CDH4: variants seen among roughly 807,000 people sequenced by gnomAD.
The protein encoded by CDH4 is cadherin 4, also known as cadherin-4.
Under a neutral mutation model 86.0 loss-of-function variants are expected in CDH4, and 33 were observed. The observed-to-expected ratio is 0.38, with a 90% confidence interval of 0.29 to 0.51. CDH4 has a LOEUF of 0.51. Among genes scored for constraint, CDH4 ranks in the 20% least tolerant of loss-of-function variants. CDH4 has a pLI of 0.86. For synonymous variants in CDH4, 555 were observed against 549.4 expected (o/e 1.01, Z -0.14); for missense variants, 1,114 against 1,307.4 (o/e 0.85, Z 2.28).
intron 2 of CDH4, among the ~76,000 whole-genome samples, chr20:61,731,872 C>T (rs2088194015): frequency 6.6e-6 from 1 of 152,184 alleles, no homozygotes; most frequent in Non-Finnish European, 1.5e-5. Flanking sequence ...GGGGATGCCT[C>T]TACTGGAGGG....
At chr20:61,926,517 G>A (rs1472570383) in intron 11 of CDH4, among the ~76,000 whole-genome samples, 3 of 152,212 alleles carry the variant, frequency 2.0e-5, no homozygotes, top group African/African-American at 4.8e-5. Context: ...CTGGTCAGGG[G>A]AAGCGTCTCC....
At chr20:61,257,385 A>G (rs1015006013) in intron 2 of CDH4, among the ~76,000 whole-genome samples, 5 of 152,276 alleles carry the variant, frequency 3.3e-5, no homozygotes, top group African/African-American at 1.2e-4. Context: ...TAAAAATTTC[A>G]TGCTAATTAG....
intron 2 of CDH4, among the ~76,000 whole-genome samples, chr20:61,568,434 C>A (rs575267075): frequency 6.6e-6 from 1 of 152,334 alleles, no homozygotes; most frequent in South Asian, 2.1e-4. Context: ...TGTAAGTTTC[C>A]TGAGGCCTCC....
chr20:61,606,902 C>A (rs531296246), intron 2 of CDH4, among the ~76,000 whole-genome samples: 1 of 152,356 alleles, frequency 6.6e-6, no homozygotes, highest in South Asian at 2.1e-4. Flanking sequence ...GCCGGGATGT[C>A]CTGGTGAGCC....
chr20:61,555,450 C>G (rs1270774254), intron 2 of CDH4, among the ~76,000 whole-genome samples: 1 of 152,138 alleles, frequency 6.6e-6, no homozygotes, highest in African/African-American at 2.4e-5. Context: ...CTACCTGGAG[C>G]AGGACCCTCT....
chr20:61,894,951 G>C lies in CDH4; in HGVS notation c.1092G>C (p.Met364Ile). Residue 364 changes from methionine to isoleucine, a missense_variant, in exon 8 of 16, where the codon ATG (methionine) becomes ATC (isoleucine). Around this residue, in one of 3 missense-constraint regions of CDH4, gnomAD observed 705 missense variants for 914.1 expected, o/e 0.77. Coordinates refer to ENST00000614565, the MANE Select transcript of CDH4 (RefSeq NM_001794.5). ...CAGTCATCGTTCAGGCCACAGATAT[G>C]GAAGGAAATCTCAACTATGGCCTCT... ...QYTVIVQATDMEGNLNYGLSN... is the reference protein window; with the variant it reads ...QYTVIVQATDIEGNLNYGLSN... 6.2e-7 allele frequency: 1 copy of C among 1,613,950 alleles called. No homozygotes were observed. The highest frequency in any genetic ancestry group is 1.1e-5 in the South Asian group (1 of 91,088).
chr20:61,859,326 A>G (rs1001735576), intron 6 of CDH4, among the ~76,000 whole-genome samples: 1 of 152,142 alleles, frequency 6.6e-6, no homozygotes, highest in African/African-American at 2.4e-5. Context: ...TGGTTTGCAA[A>G]TATTTCTCCC....
At chr20:61,628,111 G>A (rs192636644) in intron 2 of CDH4, among the ~76,000 whole-genome samples, 130 of 152,234 alleles carry the variant, frequency 8.5e-4, no homozygotes, top group African/African-American at 2.8e-3. Context: ...TTCTGGCATC[G>A]CCGCAGACAT....
chr20:61,795,134 A>AATGGTAGTG (rs1555839681), intron 4 of CDH4, among the ~76,000 whole-genome samples: 1 of 10,030 alleles, frequency 1.0e-4, no homozygotes, highest in South Asian at 4.6e-3. Context: ...TGATGATGGA[A>AATGGTAGTG]ATGATGGTAG....
chr20:61,258,355 AAAAG>A (rs1248679093), intron 2 of CDH4, among the ~76,000 whole-genome samples: 10 of 149,886 alleles, frequency 6.7e-5, no homozygotes, highest in African/African-American at 2.2e-4. Context: ...AGAAAAAAAA[AAAAG>A]AAAGAGGAGC....
At position 61,393,777 on chromosome 20, in the gene CDH4, A is replaced by T. The variant is rs113937463; in HGVS notation, c.169+138840A>T. On this transcript the variant is annotated intron_variant, in intron 2 of 15. Transcript: ENST00000614565. This position sits in a 1 kb window ranked among gnomAD's most constrained non-coding sequence, Gnocchi z 4.3. ...ATTACACGAGTCCTGGAGACCGTGC[A>T]GTGAACTCTTACACCCCAGGGCTCA... is the stretch of plus-strand genomic sequence containing the variant. Among the ~76,000 whole-genome samples, 38 of 152,204 alleles carry T rather than the reference A, an allele frequency of 2.5e-4. No homozygotes were observed. Among genetic ancestry groups the T allele is most frequent in the African/African-American group, 9.2e-4 (38 of 41,526 alleles).
Position 61,800,076 on chromosome 20 carries a change from C to G in CDH4, c.576+26894C>G, listed in dbSNP as rs1337415562. ...GTGCTTCCTCTGAGGGGTTCCCCAG[C>G]CCACAGCATGGTCCAGGGCCGGGTG... On this transcript the variant is annotated intron_variant, in intron 4 of 15. Transcript: ENST00000614565. Among the ~76,000 whole-genome samples, 3 of 152,226 alleles carry G rather than the reference C, an allele frequency of 2.0e-5. No individual in the cohort carries two copies. The East Asian group carries it at 5.8e-4, about 29-fold the overall frequency.
chr20:61,721,752 G>A (rs2088044721), intron 2 of CDH4, among the ~76,000 whole-genome samples: 1 of 152,172 alleles, frequency 6.6e-6, no homozygotes, highest in South Asian at 2.1e-4. Flanking sequence ...ACCTCGTGAA[G>A]TATCAATCAC....
At chr20:61,665,808 C>T (rs573772819) in intron 2 of CDH4, among the ~76,000 whole-genome samples, 2 of 152,304 alleles carry the variant, frequency 1.3e-5, no homozygotes, top group South Asian at 2.1e-4. Context: ...GCATGCACAG[C>T]GTACACGGTC....
At position 61,565,316 on chromosome 20, in the gene CDH4, G is replaced by C. The variant is rs1287460655; in HGVS notation, c.170-178247G>C. Among the ~76,000 whole-genome samples, 15 of 83,986 alleles carry C rather than the reference G, an allele frequency of 1.8e-4. 4 individuals carry two copies. The highest frequency in any genetic ancestry group is 4.6e-4 in the Admixed American group (4 of 8,636). 55.1% of individuals were successfully genotyped at this position (83,986 alleles called of 152,430 possible). ...GGTGGTGGCGGTGCTCTTGGTGGTG[G>C]CGGTGCTCTTGGTGATGGTGGTAGT... On this transcript the variant is annotated intron_variant, in intron 2 of 15. Transcript: ENST00000614565.
At chr20:61,406,682 C>T (rs1207307296) in intron 2 of CDH4, among the ~76,000 whole-genome samples, 1 of 142,700 alleles carries the variant, frequency 7.0e-6, no homozygotes, top group Non-Finnish European at 1.5e-5. Flanking sequence ...TCTGCTCTCC[C>T]TGGACCACCA....
intron 2 of CDH4, among the ~76,000 whole-genome samples, chr20:61,666,413 C>T (rs1285744448): frequency 2.0e-5 from 3 of 152,222 alleles, no homozygotes; most frequent in African/African-American, 7.2e-5. Flanking sequence ...CCACTTCTGC[C>T]CTTGGTGCTG....
chr20:61,814,634 TA>T (rs1443912557), intron 4 of CDH4, among the ~76,000 whole-genome samples: 29 of 152,372 alleles, frequency 1.9e-4, no homozygotes, highest in African/African-American at 6.7e-4. Context: ...ATAGATCCAC[TA>T]AATACATACT....
intron 2 of CDH4, among the ~76,000 whole-genome samples, chr20:61,674,467 C>T (rs1426571284): frequency 6.6e-6 from 1 of 152,190 alleles, no homozygotes; most frequent in Non-Finnish European, 1.5e-5. Context: ...TGACAGTTCA[C>T]AGGGAGCAGG....
Sources: gnomAD v4.1 joint callset for allele counts (sites outside exome capture counted in the v4.1 genomes callset) on GRCh38, gnomAD v4.1.1 for gene constraint, gnomAD v4.1.1 regional missense constraint, Gnocchi (gnomAD v3.1) non-coding constraint, MANE v1.5 for transcripts, NCBI Gene and HGNC (gene_info 2026-07-23, HGNC 2026-07-21) for gene names.